Variants in BCKDHB observed in about 807,000 individuals in gnomAD.
BCKDHB encodes branched chain keto acid dehydrogenase E1 subunit beta.
A neutral mutation model predicts 48.5 loss-of-function variants in BCKDHB; 41 were observed. The observed-to-expected ratio is 0.85, with a 90% CI of 0.66 to 1.10. The LOEUF (loss-of-function observed/expected upper bound fraction) is 1.10, where lower values mean the gene tolerates loss of function less well. BCKDHB is among the 50% of genes least tolerant of loss of function. The probability of loss-of-function intolerance (pLI) is 0.00; values close to 1 mark genes in which losing one functional copy is unlikely to be tolerated. For missense variants in BCKDHB, 496 were observed against 494.2 expected, an observed-to-expected ratio of 1.00 and a Z score of -0.03; for synonymous variants, 201 against 174.8, an observed-to-expected ratio of 1.15 and a Z score of -1.18.
intron 1 of BCKDHB, among the ~76,000 whole-genome samples, chr6:80,120,775 T>C (rs928529897): frequency 6.6e-6 from 1 of 152,216 alleles, no homozygotes; most frequent in Non-Finnish European, 1.5e-5. Context: ...CTTTGTCAGA[T>C]GGGTAGATTG....
the BCKDHB span, among the ~76,000 whole-genome samples, chr6:80,436,352 T>C: frequency 8.6e-5 from 13 of 151,728 alleles, no homozygotes; most frequent in Non-Finnish European, 1.6e-4. Flanking sequence ...TTAGTAGAGA[T>C]GGGGTTTCAC....
the BCKDHB span, among the ~76,000 whole-genome samples, chr6:80,420,095 T>C: frequency 6.6e-6 from 1 of 152,224 alleles, no homozygotes; most frequent in Non-Finnish European, 1.5e-5. Flanking sequence ...TGTAGCTCAC[T>C]GAGCTTCTTT....
At chr6:80,393,136 A>T in the BCKDHB span, among the ~76,000 whole-genome samples, 2 of 152,116 alleles carry the variant, frequency 1.3e-5, no homozygotes, top group African/African-American at 4.8e-5. Flanking sequence ...TCTTTCAGAA[A>T]CAGAACTCTT....
chr6:80,242,213 T>A (rs1283327848), intron 8 of BCKDHB, among the ~76,000 whole-genome samples: 1 of 152,216 alleles, frequency 6.6e-6, no homozygotes, highest in African/African-American at 2.4e-5. Context: ...TCACCTTTAA[T>A]CATACTTGAT....
At chr6:80,274,870 A>T (rs1777905221) in intron 9 of BCKDHB, among the ~76,000 whole-genome samples, 1 of 152,010 alleles carries the variant, frequency 6.6e-6, no homozygotes, top group Non-Finnish European at 1.5e-5. Flanking sequence ...TCTTATGTTA[A>T]TGGAAAAATG....
At chr6:80,346,939 A>G (rs537154593), downstream of BCKDHB, among the ~76,000 whole-genome samples, 1 of 151,628 alleles carries the variant, frequency 6.6e-6, no homozygotes, top group East Asian at 1.9e-4. Context: ...CTCTACCCCC[A>G]TAAAGCAAAG....
the BCKDHB span, among the ~76,000 whole-genome samples, chr6:80,385,175 G>T: frequency 6.6e-6 from 1 of 152,180 alleles, no homozygotes; most frequent in Non-Finnish European, 1.5e-5. Context: ...AGAAAGTGAT[G>T]AACTCAGGGA....
chr6:80,260,349 G>A (rs1242146177), intron 8 of BCKDHB, among the ~76,000 whole-genome samples: 1 of 152,140 alleles, frequency 6.6e-6, no homozygotes, highest in East Asian at 1.9e-4. Context: ...CATTGCGGAT[G>A]TTCTTGGTAC....
At chr6:80,160,470 T>A (rs966937207) in intron 3 of BCKDHB, among the ~76,000 whole-genome samples, 2 of 152,182 alleles carry the variant, frequency 1.3e-5, no homozygotes, top group Non-Finnish European at 2.9e-5. Flanking sequence ...TTTTCTTAAT[T>A]GTTTCTCTGC....
intron 9 of BCKDHB, among the ~76,000 whole-genome samples, chr6:80,298,607 T>A (rs1009590291): frequency 6.6e-6 from 1 of 152,172 alleles, no homozygotes; most frequent in Non-Finnish European, 1.5e-5. Flanking sequence ...CAGGCCACCA[T>A]TGTGATGATG....
chr6:80,396,889 G>A, the BCKDHB span, among the ~76,000 whole-genome samples: 1 of 152,278 alleles, frequency 6.6e-6, no homozygotes, highest in Non-Finnish European at 1.5e-5. Flanking sequence ...TCTTGGGTAT[G>A]TCTTCATAAC....
chr6:80,420,069 T>C, the BCKDHB span, among the ~76,000 whole-genome samples: 1 of 152,180 alleles, frequency 6.6e-6, no homozygotes, highest in African/African-American at 2.4e-5. Context: ...TGTTTAATTG[T>C]CTATTTGTGT....
At chr6:80,276,381 T>TA (rs1777968902) in intron 9 of BCKDHB, among the ~76,000 whole-genome samples, 1 of 151,948 alleles carries the variant, frequency 6.6e-6, no homozygotes, top group Non-Finnish European at 1.5e-5. Context: ...TATATTAAAA[T>TA]AAAAAATATT....
At chr6:80,325,072 C>T (rs1768964476) in intron 9 of BCKDHB, among the ~76,000 whole-genome samples, 2 of 152,068 alleles carry the variant, frequency 1.3e-5, no homozygotes, top group Non-Finnish European at 2.9e-5. Context: ...TTTTGAATAA[C>T]ATATAGAAAG....
At chr6:80,193,988 G>A (rs1774022986) in intron 6 of BCKDHB, among the ~76,000 whole-genome samples, 1 of 152,120 alleles carries the variant, frequency 6.6e-6, no homozygotes, top group South Asian at 2.1e-4. Context: ...CAGTTAGAGA[G>A]CTTTGTTAAT....
chr6:80,320,886 G>C (rs752573721), intron 9 of BCKDHB, among the ~76,000 whole-genome samples: 1 of 152,074 alleles, frequency 6.6e-6, no homozygotes, highest in African/African-American at 2.4e-5. Context: ...TGCCTTCTTC[G>C]ATTTTTATTT....
chr6:80,448,368 G>T, the BCKDHB span, among the ~76,000 whole-genome samples: 13 of 152,160 alleles, frequency 8.5e-5, no homozygotes, highest in Non-Finnish European at 1.3e-4. Flanking sequence ...AAGTGACATT[G>T]TCTGATTAAG....
At chr6:80,384,535 T>C in the BCKDHB span, among the ~76,000 whole-genome samples, 1 of 152,068 alleles carries the variant, frequency 6.6e-6, no homozygotes, top group South Asian at 2.1e-4. Context: ...ACTTTTGTAT[T>C]TTTAATAGAG....
chr6:80,112,350 C>T (rs1327656276), intron 1 of BCKDHB, among the ~76,000 whole-genome samples: 2 of 152,078 alleles, frequency 1.3e-5, no homozygotes, highest in African/African-American at 4.8e-5. Flanking sequence ...AAGGCCAAAC[C>T]TCCCCAGACT....
Sources: allele counts gnomAD v4.1 joint callset (sites outside exome capture counted in the v4.1 genomes callset), GRCh38; gene constraint gnomAD v4.1.1; transcripts MANE v1.5; gene names NCBI Gene and HGNC (gene_info 2026-07-23, HGNC 2026-07-21).